UBR4: variants seen among roughly 807,000 people sequenced by gnomAD.
The protein encoded by UBR4 is E3 ubiquitin-protein ligase UBR4.
UBR4 carries 124 observed loss-of-function variants against 575.6 expected under a neutral mutation model. The ratio of observed to expected loss-of-function variants is 0.22; its 90% CI spans 0.19 to 0.25. The LOEUF (loss-of-function observed/expected upper bound fraction) is 0.25, where lower values mean the gene tolerates loss of function less well. Ranked by LOEUF, UBR4 falls within the 10% of genes least tolerant of loss-of-function variation. UBR4 has a pLI of 1.00. For synonymous variants in UBR4, 2,455 were observed against 2,473.7 expected, an observed-to-expected ratio of 0.99 and a Z score of 0.22; for missense variants, 4,818 against 6,478.8, an observed-to-expected ratio of 0.74 and a Z score of 8.80.
At position 19,081,340 on chromosome 1, in the gene UBR4, G is replaced by A. The variant is rs766157182; in HGVS notation, c.15233+9C>T. ...TAGTGAGCAGCAGCTTCCGGAAGCAGGTACTGACCTGGTGGCTCCACCTGG... is the reference window on the plus strand; with the variant it reads ...TAGTGAGCAGCAGCTTCCGGAAGCAAGTACTGACCTGGTGGCTCCACCTGG... On this transcript the variant is annotated intron_variant, in intron 103 of 105. Transcript: ENST00000375254. The A allele has an allele frequency of 4.5e-6, 7 of 1,568,890 alleles. No individual in the cohort carries two copies. The highest frequency in any genetic ancestry group is 6.0e-6 in the Non-Finnish European group (7 of 1,159,848).
chr1:19,104,138 G>A lies in UBR4; in HGVS notation c.12847C>T (p.Leu4283=). The A allele has an allele frequency of 3.1e-6, 5 of 1,614,202 alleles. No homozygotes were observed. Among genetic ancestry groups the A allele is most frequent in the East Asian group, 2.2e-5 (1 of 44,880 alleles). The change falls in exon 87 of 106, where the codon CTG becomes TTG. Residue 4283 remains leucine (L), a synonymous_variant. Coordinates refer to ENST00000375254, the MANE Select transcript of UBR4 (RefSeq NM_020765.3). ...AGCATGTCCTGCGTCTCATCGATCA[G>A]CTTGGTCCTCTGCACCACCAGCTTC... ...LRKLVVQRTK[L]IDETQDMLLE... is the part of the protein sequence containing the mutation.
chr1:19,128,426 C>A (rs2082053682), intron 61 of UBR4, 108 bp from the exon 62 acceptor site: 2 of 925,676 alleles, frequency 2.2e-6, no homozygotes, highest in Non-Finnish European at 3.4e-6. Flanking sequence ...CCCTATCAAT[C>A]ATAACTGTAA....
intron 51 of UBR4, among the ~76,000 whole-genome samples, chr1:19,147,561 G>T (rs2085040833): frequency 6.6e-6 from 1 of 152,106 alleles, no homozygotes; most frequent in African/African-American, 2.4e-5. Flanking sequence ...TTCCCCAGAT[G>T]TTCCCATCAG....
intron 11 of UBR4, among the ~76,000 whole-genome samples, chr1:19,190,715 G>A (rs2092003834): frequency 6.6e-6 from 1 of 152,114 alleles, no homozygotes; most frequent in African/African-American, 2.4e-5. Context: ...AATCCTGCCA[G>A]CTGTACCTTC....
chr1:19,155,557 C>A lies in UBR4; in HGVS notation c.6184G>T (p.Val2062Phe). The change falls in exon 43 of 106, where the codon GTT (valine) becomes TTT (phenylalanine). Residue 2062 changes from valine (V) to phenylalanine (F), a missense_variant. Coordinates refer to ENST00000375254, the MANE Select transcript of UBR4 (RefSeq NM_020765.3). ...ATGTACCCAGCCGAAGACATTATAA[C>A]AATGATGTTCTTTCCCTCCTCATTG... is the stretch of plus-strand genomic sequence containing the variant. ...LFNEEGKNIIVIMSSAGYIYT... is the reference protein window; with the variant it reads ...LFNEEGKNIIFIMSSAGYIYT... 6.2e-7 allele frequency: 1 copy of A among 1,614,148 alleles called. No homozygotes were observed.
At chr1:19,203,338 T>A (rs989415871) in intron 1 of UBR4, among the ~76,000 whole-genome samples, 1 of 151,594 alleles carries the variant, frequency 6.6e-6, no homozygotes, top group African/African-American at 2.4e-5. Context: ...CCGTCTCTAA[T>A]AAAAATACAA....
chr1:19,084,509 C>G lies in UBR4; in HGVS notation c.15003G>C (p.Leu5001=), dbSNP rs984452758. The change falls in exon 102 of 106, where the codon CTG becomes CTC. Residue 5001 remains leucine (L), a synonymous_variant. Coordinates refer to ENST00000375254, the MANE Select transcript of UBR4 (RefSeq NM_020765.3). ...PYIIHTVLYV[L]NTTRATSREE... ...CTGGGACACAGGGTACTGACGTGTT[C>G]AGGACGTAAAGCACAGTGTGAATGA... The G allele has an allele frequency of 3.7e-6, 6 of 1,610,310 alleles. No individual in the cohort carries two copies. In the African/African-American group the frequency reaches 8.0e-5, roughly 22 times the overall value.
intron 104 of UBR4, 108 bp from the exon 105 acceptor site, chr1:19,077,010 C>A (rs1557453198): frequency 7.9e-7 from 1 of 1,258,710 alleles, no homozygotes; most frequent in Non-Finnish European, 1.1e-6. Flanking sequence ...GCCCTCCCAA[C>A]CTACACCAAA....
At position 19,168,191 on chromosome 1, in the gene UBR4, G is replaced by A. The variant is rs1283687595; in HGVS notation, c.3742-7C>T. 1.9e-6 allele frequency: 3 copies of A among 1,566,034 alleles called. No individual in the cohort carries two copies. Among genetic ancestry groups the A allele is most frequent in the African/African-American group, 2.7e-5 (2 of 73,682 alleles). ...CATTGGCAAAGGCATTGCGCTGAAA[G>A]GAAGCAAAGCAGATGTAAATGGATA... On this transcript the variant is annotated splice_polypyrimidine_tract_variant and splice_region_variant and intron_variant, in intron 27 of 105. Transcript: ENST00000375254.
intron 7 of UBR4, 22 bp from the exon 8 acceptor site, chr1:19,197,287 C>A: frequency 6.2e-7 from 1 of 1,613,868 alleles, no homozygotes; most frequent in African/African-American, 1.3e-5. Flanking sequence ...CAGAGATCAA[C>A]AAGTGTCTCT....
intron 52 of UBR4, chr1:19,146,163 C>T (rs1351021572): frequency 8.5e-6 from 12 of 1,418,050 alleles, no homozygotes; most frequent in Non-Finnish European, 1.1e-5. Context: ...GAACGGGGAG[C>T]ATTTAGGATG....
In UBR4 at chr1:19,185,084, G is replaced by A; in HGVS notation, c.1938+15C>T. On this transcript the variant is annotated intron_variant, in intron 15 of 105. Transcript: ENST00000375254. Reference sequence around the variant, plus strand: ...CCATGTCCACTTCCCCTAAACCTTAGAAACCTACTCTTACCAACTCAGGAT... The same window carrying A: ...CCATGTCCACTTCCCCTAAACCTTAAAAACCTACTCTTACCAACTCAGGAT... The A allele has an allele frequency of 6.2e-7, 1 of 1,613,994 alleles. No individual in the cohort carries two copies. Among genetic ancestry groups the A allele is most frequent in the Non-Finnish European group, 8.5e-7 (1 of 1,179,940 alleles).
chr1:19,156,327 C>A lies in UBR4; in HGVS notation c.6016G>T (p.Val2006Leu). The change falls in exon 42 of 106, where the codon GTG (valine) becomes TTG (leucine). Residue 2006 changes from valine to leucine, a missense_variant. By Grantham distance (32) the Val-to-Leu change is conservative. This residue lies in a region of UBR4 where 461 missense variants were observed against 606.9 expected (regional missense o/e 0.76). Transcript: ENST00000375254. ...LATGNFIIKA[V>L]WLPGSQTELA... is the part of the protein sequence containing the mutation. ...TCGGTCTGTGAACCAGGTAACCACA[C>A]GGCTTTGATGATGAAGTTCCCCGTT... 1.2e-6 allele frequency: 2 copies of A among 1,614,178 alleles called. No individual in the cohort carries two copies. Among genetic ancestry groups the A allele is most frequent in the Non-Finnish European group, 8.5e-7 (1 of 1,180,026 alleles).
At chr1:19,177,234 C>T (rs2090364381) in intron 19 of UBR4, among the ~76,000 whole-genome samples, 2 of 152,106 alleles carry the variant, frequency 1.3e-5, no homozygotes, top group Admixed American at 1.3e-4. Context: ...TTGAACACAG[C>T]CTACATTCCA....
chr1:19,081,049 A>T, intron 103 of UBR4: 1 of 302,890 alleles, frequency 3.3e-6, no homozygotes, highest in East Asian at 5.9e-5. Flanking sequence ...TACTGTTCTT[A>T]GCCCTGATCA....
chr1:19,114,729 T>C (rs1270504538), intron 75 of UBR4, 82 bp downstream of exon 75: 2 of 1,536,566 alleles, frequency 1.3e-6, no homozygotes, highest in African/African-American at 2.8e-5. Flanking sequence ...GGCTAGAAAG[T>C]AAAGTGCACT....
chr1:19,173,276 C>T lies in UBR4; in HGVS notation c.3196G>A (p.Glu1066Lys). ...AGTTCTAGAAGCGAGCTAGCATGCT[C>T]AGCCTTCATTCCCTGTTTGATAAGG... is the stretch of plus-strand genomic sequence containing the variant. Reference protein sequence around the residue: ...DHLIKQGMKAEHASSLLELAS... With the variant: ...DHLIKQGMKAKHASSLLELAS... Residue 1066 changes from glutamate (E) to lysine (K), a missense_variant, in exon 24 of 106, where the codon GAG becomes AAG. Glu to Lys is a moderately conservative substitution (Grantham distance 56). This residue lies in a region of UBR4 where 1,172 missense variants were observed against 1,259.7 expected (regional missense o/e 0.93). Coordinates refer to ENST00000375254, the MANE Select transcript of UBR4 (RefSeq NM_020765.3). 1 of 1,614,180 alleles carries T rather than the reference C, an allele frequency of 6.2e-7. No homozygotes were observed. Among genetic ancestry groups the T allele is most frequent in the South Asian group, 1.1e-5 (1 of 91,074 alleles).
intron 35 of UBR4, 89 bp downstream of exon 35, chr1:19,162,331 A>G (rs531772992): frequency 2.0e-6 from 3 of 1,475,520 alleles, no homozygotes; most frequent in Non-Finnish European, 2.7e-6. Context: ...TGAAGCTCAC[A>G]GGAGGCTGGA....
At chr1:19,118,606 T>A (rs762262810) in intron 71 of UBR4, 24 of 385,144 alleles carry the variant, frequency 6.2e-5, no homozygotes, top group Non-Finnish European at 9.3e-5. Context: ...AATTTTTTTT[T>A]AAGAGATGAA....
Sources: gnomAD v4.1 joint callset for allele counts (sites outside exome capture counted in the v4.1 genomes callset) on GRCh38, gnomAD v4.1.1 for gene constraint, gnomAD v4.1.1 regional missense constraint, MANE v1.5 for transcripts, NCBI Gene and HGNC (gene_info 2026-07-23, HGNC 2026-07-21) for gene names.